The following AHCYL2 variants were observed in gnomAD, a reference collection of about 807,000 sequenced individuals.
The protein encoded by AHCYL2 is adenosylhomocysteinase like 2, also known as S-adenosylhomocysteine hydrolase-like protein 2.
AHCYL2 carries 28 observed loss-of-function variants against 81.4 expected under a neutral mutation model. The ratio of observed to expected loss-of-function variants is 0.34; its 90% CI spans 0.25 to 0.47. The LOEUF (loss-of-function observed/expected upper bound fraction) is 0.47, where lower values mean the gene tolerates loss of function less well. Among genes scored for constraint, AHCYL2 ranks in the 20% least tolerant of loss-of-function variants. AHCYL2 has a pLI of 1.00. For missense variants in AHCYL2, 551 were observed against 785.1 expected, an observed-to-expected ratio of 0.70 and a Z score of 3.56; for synonymous variants, 272 against 290.2, an observed-to-expected ratio of 0.94 and a Z score of 0.64.
intron 1 of AHCYL2, among the ~76,000 whole-genome samples, chr7:129,251,585 C>T (rs915308569): frequency 3.3e-5 from 5 of 152,102 alleles, no homozygotes; most frequent in African/African-American, 9.7e-5. Context: ...ATCTCGCCTC[C>T]TTTACAGTTT....
intron 1 of AHCYL2, among the ~76,000 whole-genome samples, chr7:129,317,829 A>G (rs937907281): frequency 6.6e-6 from 1 of 152,214 alleles, no homozygotes; most frequent in Non-Finnish European, 1.5e-5. Context: ...GTGTCTTGCC[A>G]TATAACATTT....
rs567494832 is a variant in AHCYL2, at chr7:129,366,815, C to T, written c.364-12823C>T. Among the ~76,000 whole-genome samples, 11 of 151,972 alleles carry T rather than the reference C, an allele frequency of 7.2e-5. No homozygotes were observed. The South Asian group carries it at 2.3e-3, about 32-fold the overall frequency. On this transcript the variant is annotated intron_variant, in intron 1 of 16. Transcript: ENST00000325006. ...AAAGTTTATAGAAAGTTTATTTTGC[C>T]AAGATTGAGGATGTGCACTCATGAC...
At chr7:129,316,607 A>G (rs1350541301) in intron 1 of AHCYL2, among the ~76,000 whole-genome samples, 2 of 152,240 alleles carry the variant, frequency 1.3e-5, no homozygotes, top group Non-Finnish European at 2.9e-5. Flanking sequence ...GAGACAGGTT[A>G]TGAAGGATTG....
intron 1 of AHCYL2, among the ~76,000 whole-genome samples, chr7:129,258,438 C>T (rs965077913): frequency 1.6e-4 from 24 of 151,908 alleles, no homozygotes; most frequent in Non-Finnish European, 5.9e-5. Context: ...TGGGAGACTT[C>T]TCCATGTTCT....
rs932337584 is a variant in AHCYL2 at position 129,302,847 on chromosome 7, C to G, written c.364-76791C>G. Reference sequence around the variant, plus strand: ...GTGTGTCTTTTTCTGATTTTGGTATCAGGGTAATACTGGTCTCATAGAATG... The same window carrying G: ...GTGTGTCTTTTTCTGATTTTGGTATGAGGGTAATACTGGTCTCATAGAATG... On this transcript the variant is annotated intron_variant, in intron 1 of 16. Transcript: ENST00000325006. 2.6e-5 allele frequency among the ~76,000 whole-genome samples: 4 copies of G among 152,104 alleles called. No homozygotes were observed. The East Asian group carries it at 7.7e-4, about 29-fold the overall frequency.
intron 1 of AHCYL2, among the ~76,000 whole-genome samples, chr7:129,272,865 CT>C (rs1449409958): frequency 6.6e-6 from 1 of 152,010 alleles, no homozygotes; most frequent in South Asian, 2.1e-4. Flanking sequence ...GAAAATAAAA[CT>C]TTTTCTCATC....
chr7:129,268,562 C>A, intron 1 of AHCYL2, among the ~76,000 whole-genome samples: 1 of 152,076 alleles, frequency 6.6e-6, no homozygotes, highest in East Asian at 1.9e-4. Flanking sequence ...GTAGGCCAGG[C>A]CAGTCTAAGG....
chr7:129,345,692 CT>C lies in AHCYL2; in HGVS notation c.364-33945del, dbSNP rs200573192. Among the ~76,000 whole-genome samples the C allele has an allele frequency of 3.4e-3, 516 of 152,124 alleles. 1 individual carries two copies. The highest frequency in any genetic ancestry group is 0.012 in the African/African-American group (499 of 41,510). On this transcript the variant is annotated intron_variant, in intron 1 of 16. Coordinates refer to ENST00000325006, the MANE Select transcript of AHCYL2 (RefSeq NM_015328.4). ...AGGCTAGAAAAGAAGGAAAATGAAA[CT>C]GGGAAAGAGTTCATGAATAGGAAGA...
intron 1 of AHCYL2, among the ~76,000 whole-genome samples, chr7:129,321,789 T>C (rs373697174): frequency 4.0e-5 from 6 of 149,904 alleles, no homozygotes; most frequent in African/African-American, 1.5e-4. Context: ...TTTTGTTTTT[T>C]TTTTCAGACG....
chr7:129,227,823 T>A (rs973120437), intron 1 of AHCYL2, among the ~76,000 whole-genome samples: 1 of 152,144 alleles, frequency 6.6e-6, no homozygotes, highest in African/African-American at 2.4e-5. Flanking sequence ...ACAATGTTAA[T>A]TGCACCAAAA....
chr7:129,248,297 C>A (rs1795128846), intron 1 of AHCYL2, among the ~76,000 whole-genome samples: 1 of 152,116 alleles, frequency 6.6e-6, no homozygotes, highest in Non-Finnish European at 1.5e-5. Context: ...GGTTCCAGGA[C>A]CCTCATGGAT....
intron 1 of AHCYL2, among the ~76,000 whole-genome samples, chr7:129,261,069 C>T (rs774996306): frequency 2.0e-4 from 31 of 152,236 alleles, no homozygotes; most frequent in Middle Eastern, 3.4e-3. Context: ...GGATTACAGG[C>T]GTGAGCCACC....
chr7:129,368,322 T>A lies in AHCYL2; in HGVS notation c.364-11316T>A. The A allele has an allele frequency of 6.9e-7, 1 of 1,447,926 alleles. No individual in the cohort carries two copies. Among genetic ancestry groups the A allele is most frequent in the Non-Finnish European group, 9.1e-7 (1 of 1,100,156 alleles). 89.7% of individuals were successfully genotyped at this position (1,447,926 alleles called of 1,614,324 possible). ...AAGGGGTTGTCAGGCAGTTGACTAA[T>A]GCTCTTGATTTGAATCGGAGGCTGC... On this transcript the variant is annotated intron_variant, in intron 1 of 16. Coordinates refer to ENST00000325006, the MANE Select transcript of AHCYL2 (RefSeq NM_015328.4). The surrounding 1 kb of genome is among the most constrained non-coding windows in gnomAD (Gnocchi z 4.4).
At chr7:129,248,924 T>G (rs1217750007) in intron 1 of AHCYL2, among the ~76,000 whole-genome samples, 1 of 152,168 alleles carries the variant, frequency 6.6e-6, no homozygotes, top group Non-Finnish European at 1.5e-5. Context: ...ACTTTCAGAT[T>G]GTTTATTGCT....
intron 1 of AHCYL2, among the ~76,000 whole-genome samples, chr7:129,292,893 A>G (rs1796917900): frequency 6.6e-6 from 1 of 152,244 alleles, no homozygotes; most frequent in South Asian, 2.1e-4. Context: ...TTCTAGACTG[A>G]GAAACGTTAC....
intron 1 of AHCYL2, among the ~76,000 whole-genome samples, chr7:129,226,234 G>T (rs927606453): frequency 1.3e-5 from 2 of 152,218 alleles, no homozygotes; most frequent in African/African-American, 4.8e-5. Flanking sequence ...TTAGGCGTCA[G>T]CTTCTTTCAG....
rs190308242 is a variant in AHCYL2, at chr7:129,243,827, T to C, written c.363+18388T>C. On this transcript the variant is annotated intron_variant, in intron 1 of 16. Coordinates refer to ENST00000325006, the MANE Select transcript of AHCYL2 (RefSeq NM_015328.4). The stretch of plus-strand genomic sequence containing the variant: ...CCAGGATGGTCTCGATCTCCTGGCC[T>C]CGTGATCCACCTGCCTCGGCCTCCC... Among the ~76,000 whole-genome samples, 892 of 152,178 alleles carry C rather than the reference T, an allele frequency of 5.9e-3. 7 individuals carry two copies. Among genetic ancestry groups the C allele is most frequent in the African/African-American group, 0.02 (843 of 41,528 alleles).
intron 5 of AHCYL2, among the ~76,000 whole-genome samples, chr7:129,399,730 T>C (rs1316794010): frequency 1.4e-5 from 2 of 147,162 alleles, no homozygotes; most frequent in African/African-American, 5.0e-5. Context: ...GTCACTTTTT[T>C]TTTTTTTTTT....
intron 1 of AHCYL2, among the ~76,000 whole-genome samples, chr7:129,263,812 T>C (rs1795724037): frequency 6.6e-6 from 1 of 152,186 alleles, no homozygotes; most frequent in Non-Finnish European, 1.5e-5. Flanking sequence ...GAATTTTTAG[T>C]AATCTGTTTC....
Sources: gnomAD v4.1 joint callset for allele counts (sites outside exome capture counted in the v4.1 genomes callset) on GRCh38, gnomAD v4.1.1 for gene constraint, Gnocchi (gnomAD v3.1) non-coding constraint, MANE v1.5 for transcripts, NCBI Gene and HGNC (gene_info 2026-07-23, HGNC 2026-07-21) for gene names.